FAM81A: variants seen among roughly 807,000 people sequenced by gnomAD.
FAM81A encodes the protein family with sequence similarity 81 member A.
FAM81A carries 19 observed loss-of-function variants against 46.7 expected under a neutral mutation model. The ratio of observed to expected loss-of-function variants is 0.41; its 90% confidence interval spans 0.28 to 0.60. The LOEUF (loss-of-function observed/expected upper bound fraction) is 0.60. FAM81A is among the 20% of genes least tolerant of loss of function. The probability of loss-of-function intolerance (pLI) is 0.34; values close to 1 mark genes in which losing one functional copy is unlikely to be tolerated. For missense variants in FAM81A, 377 were observed against 453.5 expected, an observed-to-expected ratio of 0.83 and a Z score of 1.53; for synonymous variants, 183 against 152.9, an observed-to-expected ratio of 1.20 and a Z score of -1.45.
intron 3 of FAM81A, among the ~76,000 whole-genome samples, chr15:59,468,041 G>A (rs1365744987): frequency 6.6e-6 from 1 of 152,080 alleles, no homozygotes. Flanking sequence ...AACCAACCTT[G>A]CATCCCAGGG....
At chr15:59,452,524 G>C (rs764577399) in intron 1 of FAM81A, among the ~76,000 whole-genome samples, 60 of 152,186 alleles carry the variant, frequency 3.9e-4, no homozygotes, top group Non-Finnish European at 8.1e-4. Flanking sequence ...GTAAGTGCCT[G>C]TGGTCCCGGC....
At chr15:59,503,659 G>T (rs1163931130) in intron 4 of FAM81A, among the ~76,000 whole-genome samples, 1 of 151,656 alleles carries the variant, frequency 6.6e-6, no homozygotes, top group Admixed American at 6.6e-5. Context: ...TGCAACCTCC[G>T]CCTCCCAGGC....
intron 1 of FAM81A, among the ~76,000 whole-genome samples, chr15:59,456,733 G>A (rs917443495): frequency 1.6e-4 from 25 of 151,986 alleles, no homozygotes; most frequent in African/African-American, 5.1e-4. Context: ...GCATCAATAC[G>A]CCTGGCTAAT....
At chr15:59,497,830 C>A (rs911130139) in intron 4 of FAM81A, among the ~76,000 whole-genome samples, 2 of 151,546 alleles carry the variant, frequency 1.3e-5, no homozygotes, top group East Asian at 3.9e-4. Flanking sequence ...GACCCTGTTT[C>A]AAAAAAAATA....
chr15:59,431,532 C>CG (rs760648393), intron 2 of FAM81A, among the ~76,000 whole-genome samples: 2 of 135,496 alleles, frequency 1.5e-5, no homozygotes, highest in Non-Finnish European at 3.2e-5. Context: ...TGCAACCAGC[C>CG]TTTTTTTTTT....
chr15:59,490,175 T>G (rs983088619), intron 3 of FAM81A, among the ~76,000 whole-genome samples: 1 of 150,732 alleles, frequency 6.6e-6, no homozygotes, highest in East Asian at 1.9e-4. Context: ...AAGAAAACAT[T>G]GGATAAACTC....
upstream of FAM81A, among the ~76,000 whole-genome samples, chr15:59,433,195 C>T (rs1230476886): frequency 1.7e-5 from 1 of 59,428 alleles, no homozygotes; most frequent in Non-Finnish European, 4.4e-5. Context: ...CAGTGACTCA[C>T]GCCTGTAATC....
At position 59,515,556 on chromosome 15, in the gene FAM81A, G is replaced by A. The variant is rs188067659; in HGVS notation, c.787-1089G>A. Among the ~76,000 whole-genome samples, 194 of 152,258 alleles carry A rather than the reference G, an allele frequency of 1.3e-3. 3 individuals carry two copies. Among genetic ancestry groups the A allele is most frequent in the African/African-American group, 4.3e-3 (179 of 41,554 alleles). On this transcript the variant is annotated intron_variant, in intron 7 of 8. Transcript: ENST00000288228. ...TGGAGTTTGCAGTCTTGGCCTCCAA[G>A]CTCACTGGCAGACACAGATTCCCAT...
intron 3 of FAM81A, among the ~76,000 whole-genome samples, chr15:59,480,466 A>C (rs1227511142): frequency 6.6e-6 from 1 of 152,138 alleles, no homozygotes; most frequent in Non-Finnish European, 1.5e-5. Context: ...CCCTATTCCA[A>C]GCCGTTTTGG....
At chr15:59,518,526 A>G (rs1324321657) in intron 8 of FAM81A, among the ~76,000 whole-genome samples, 1 of 151,916 alleles carries the variant, frequency 6.6e-6, no homozygotes, top group East Asian at 1.9e-4. Context: ...GGTCCTCAGT[A>G]TGTTGCCCAG....
At chr15:59,399,287 A>G (rs867496617) in intron 1 of FAM81A, among the ~76,000 whole-genome samples, 43 of 152,312 alleles carry the variant, frequency 2.8e-4, no homozygotes, top group African/African-American at 9.6e-4. Flanking sequence ...AGCTGGAAAC[A>G]TTTCCACTTT....
intron 1 of FAM81A, among the ~76,000 whole-genome samples, chr15:59,454,526 C>T (rs369474569): frequency 6.6e-6 from 1 of 152,174 alleles, no homozygotes. Context: ...CTCATAATCA[C>T]AAATAATCAT....
chr15:59,499,568 G>C (rs758057059), intron 4 of FAM81A, among the ~76,000 whole-genome samples: 3 of 152,022 alleles, frequency 2.0e-5, no homozygotes, highest in Non-Finnish European at 4.4e-5. Context: ...GACTTCGTTT[G>C]GTATTTCTTC....
At chr15:59,439,408 T>TG (rs11386937) in intron 1 of FAM81A, among the ~76,000 whole-genome samples, 28,125 of 150,244 alleles carry the variant, frequency 0.19, 2,752 homozygotes, top group Middle Eastern at 0.25. Flanking sequence ...GTGTGTGTGT[T>TG]GGGGGGGGCG....
intron 6 of FAM81A, among the ~76,000 whole-genome samples, chr15:59,511,857 G>T (rs2082212718): frequency 6.6e-6 from 1 of 151,984 alleles, no homozygotes; most frequent in Non-Finnish European, 1.5e-5. Context: ...CACCATGTTA[G>T]CCAGGATGGT....
At chr15:59,503,370 TA>T (rs35414248) in intron 4 of FAM81A, among the ~76,000 whole-genome samples, 97,987 of 151,884 alleles carry the variant, frequency 0.65, 32,241 homozygotes, top group African/African-American at 0.77. Flanking sequence ...TAGTTTATTA[TA>T]TACAATGGTA....
chr15:59,453,581 A>G (rs923936083), intron 1 of FAM81A, among the ~76,000 whole-genome samples: 1 of 152,184 alleles, frequency 6.6e-6, no homozygotes, highest in Non-Finnish European at 1.5e-5. Flanking sequence ...CATGTTTTCT[A>G]TGAGAGAAAA....
intron 2 of FAM81A, among the ~76,000 whole-genome samples, chr15:59,426,505 G>A (rs143067408): frequency 6.6e-6 from 1 of 152,148 alleles, no homozygotes; most frequent in Non-Finnish European, 1.5e-5. Context: ...CCCAGCTACT[G>A]GGAGGCTGAG....
At chr15:59,421,868 CCTCT>C (rs1400420996) in intron 2 of FAM81A, among the ~76,000 whole-genome samples, 37 of 115,604 alleles carry the variant, frequency 3.2e-4, no homozygotes, top group African/African-American at 1.2e-3. Flanking sequence ...AACCCTCAAC[CCTCT>C]ATCTATCTAT....
Sources: allele counts gnomAD v4.1 joint callset (sites outside exome capture counted in the v4.1 genomes callset), GRCh38; gene constraint gnomAD v4.1.1; transcripts MANE v1.5; gene names NCBI Gene and HGNC (gene_info 2026-07-23, HGNC 2026-07-21).